TRDMT1: variants seen among roughly 807,000 people sequenced by gnomAD.
TRDMT1 encodes the protein tRNA aspartic acid methyltransferase 1, also known as tRNA (cytosine(38)-C(5))-methyltransferase.
Under a neutral mutation model 51.2 loss-of-function variants are expected in TRDMT1, and 49 were observed. The observed-to-expected ratio is 0.96, with a 90% confidence interval of 0.76 to 1.21. The LOEUF is 1.21. Ranked by LOEUF, TRDMT1 falls within the 50% of genes most tolerant of loss-of-function variation. The probability of loss-of-function intolerance (pLI) is 0.00; values close to 1 mark genes in which losing one functional copy is unlikely to be tolerated. For missense variants in TRDMT1, 534 were observed against 462.3 expected (o/e 1.16, Z -1.42); for synonymous variants, 187 against 164.6 (o/e 1.14, Z -1.04).
intron 1 of TRDMT1, among the ~76,000 whole-genome samples, chr10:17,185,946 C>T (rs367815588): frequency 2.0e-5 from 3 of 151,842 alleles, no homozygotes; most frequent in Admixed American, 6.6e-5. Context: ...AGGAGATATA[C>T]CTAATGTAAA....
chr10:17,153,606 A>G lies in TRDMT1; in HGVS notation c.976T>C (p.Leu326=). The G allele has an allele frequency of 6.2e-7, 1 of 1,602,812 alleles. No individual in the cohort carries two copies. Among genetic ancestry groups the G allele is most frequent in the Non-Finnish European group, 8.5e-7 (1 of 1,175,574 alleles). ...TTTGTTATCTGTTCTTCTTGTGACA[A>G]ATTGGTAAGGGATTTGTAGATATTC... ...VENIYKSLTN[L]SQEEQITKLL... Residue 326 remains leucine (L), a synonymous_variant, in exon 10 of 11, where the codon TTG becomes CTG. Coordinates refer to ENST00000377799, the MANE Select transcript of TRDMT1 (RefSeq NM_004412.7).
intron 10 of TRDMT1, chr10:17,151,107 T>A: frequency 1.3e-6 from 1 of 774,770 alleles, no homozygotes; most frequent in Non-Finnish European, 1.6e-6. Flanking sequence ...GTAAAGCATC[T>A]GTGCATATTT....
At position 17,182,818 on chromosome 10, in the gene TRDMT1, A is replaced by G. The variant is rs12241366; in HGVS notation, c.65-8158T>C. On this transcript the variant is annotated intron_variant, in intron 1 of 10. Transcript: ENST00000377799. ...GTCCTGAAAGTAAAACAGTTAAAAT[A>G]GAAATTTCATTACAAGCAATTCAAA... Among the ~76,000 whole-genome samples, 1,219 of 152,320 alleles carry G rather than the reference A, an allele frequency of 8.0e-3. 21 individuals are homozygous for G. The highest frequency in any genetic ancestry group is 0.027 in the African/African-American group (1,138 of 41,576).
rs189435647 is a variant in TRDMT1, at chr10:17,140,663, G to C, written c.*8377C>G. ...GACTCTACAGTAAAGACTTGAAACT[G>C]AGTGTTTTGAAAGAAAGAACATTTT... is the stretch of plus-strand genomic sequence containing the variant. On this transcript the variant is annotated 3_prime_UTR_variant, in exon 11 of 11. Coordinates refer to ENST00000377799, the MANE Select transcript of TRDMT1 (RefSeq NM_004412.7). 9.1e-4 allele frequency among the ~76,000 whole-genome samples: 138 copies of C among 152,224 alleles called. No individual in the cohort carries two copies. The highest frequency in any genetic ancestry group is 3.2e-3 in the African/African-American group (134 of 41,518).
At position 17,180,553 on chromosome 10, in the gene TRDMT1, A is replaced by AC. The variant is rs1284422511; in HGVS notation, c.65-5894_65-5893insG. ...GAACTCTGTCTCAAAAAAAAAAAAA[A>AC]AAAACTCTCTTTCCATATTCGGTAC... On this transcript the variant is annotated intron_variant, in intron 1 of 10. Coordinates refer to ENST00000377799, the MANE Select transcript of TRDMT1 (RefSeq NM_004412.7). 1.6e-4 allele frequency among the ~76,000 whole-genome samples: 22 copies of AC among 137,756 alleles called. No homozygotes were observed. In the East Asian group the frequency reaches 4.4e-3, roughly 27 times the overall value. The allele number at this position is 137,756 out of a possible 152,430, so 90.4% of individuals were successfully genotyped here. A position where few individuals can be genotyped will look rare whatever the true frequency, so the allele number is the denominator to read the frequency against.
rs376236795 is a variant in TRDMT1, at chr10:17,141,990, C to T, written c.*7050G>A. 6.6e-6 allele frequency among the ~76,000 whole-genome samples: 1 copy of T among 152,192 alleles called. No individual in the cohort carries two copies. The highest frequency in any genetic ancestry group is 2.4e-5 in the African/African-American group (1 of 41,446). On this transcript the variant is annotated 3_prime_UTR_variant, in exon 11 of 11. Transcript: ENST00000377799. Reference sequence around the variant, plus strand: ...ATTTATTTCTATTCTTAAAAATTGGCATATAGTGCACCTACCATAATGGTT... The same window carrying T: ...ATTTATTTCTATTCTTAAAAATTGGTATATAGTGCACCTACCATAATGGTT...
rs1837493904 is a variant in TRDMT1, at chr10:17,138,650, G to GA, written c.*10389dup. Among the ~76,000 whole-genome samples, 1 of 151,796 alleles carries GA rather than the reference G, an allele frequency of 6.6e-6. No homozygotes were observed. Among genetic ancestry groups the GA allele is most frequent in the Admixed American group, 6.6e-5 (1 of 15,254 alleles). On this transcript the variant is annotated 3_prime_UTR_variant, in exon 11 of 11. Coordinates refer to ENST00000377799, the MANE Select transcript of TRDMT1 (RefSeq NM_004412.7). ...GACTACAATTATCTTTGAGTAGAATGAAAAAGAATTATGAGTTAATCATTA... is the reference window on the plus strand; with the variant it reads ...GACTACAATTATCTTTGAGTAGAATGAAAAAAGAATTATGAGTTAATCATTA...
At position 17,174,594 on chromosome 10, in the gene TRDMT1, T is replaced by C; in HGVS notation, c.131A>G (p.Lys44Arg). 6.2e-7 allele frequency: 1 copy of C among 1,614,074 alleles called. No homozygotes were observed. Among genetic ancestry groups the C allele is most frequent in the Non-Finnish European group, 8.5e-7 (1 of 1,179,950 alleles). The change falls in exon 2 of 11, where the codon AAG becomes AGG. Residue 44 changes from lysine (K) to arginine (R), a missense_variant. Coordinates refer to ENST00000377799, the MANE Select transcript of TRDMT1 (RefSeq NM_004412.7). The stretch of plus-strand genomic sequence containing the variant: ...TAACTGTGTGTGAGGAAAATTATAC[T>C]TGTATACTTCATTAGCGACAGTGTT... ...DVNTVANEVY[K>R]YNFPHTQLLA... is the part of the protein sequence containing the mutation.
At position 17,143,441 on chromosome 10, in the gene TRDMT1, C is replaced by T. The variant is rs776309967; in HGVS notation, c.*5599G>A. 1.0e-6 allele frequency: 1 copy of T among 985,318 alleles called. No individual in the cohort carries two copies. 61.0% of individuals were successfully genotyped at this position (985,318 alleles called of 1,614,324 possible). ...CAGCTCTTAAATATGAAAGTCAACTCATTTCTACTACACAAGGAGTATCAC... is the reference window on the plus strand; with the variant it reads ...CAGCTCTTAAATATGAAAGTCAACTTATTTCTACTACACAAGGAGTATCAC... On this transcript the variant is annotated 3_prime_UTR_variant, in exon 11 of 11. Transcript: ENST00000377799.
chr10:17,171,111 ATGTG>A (rs66891484), intron 2 of TRDMT1, among the ~76,000 whole-genome samples: 197 of 142,932 alleles, frequency 1.4e-3, no homozygotes, highest in Middle Eastern at 0.011. Flanking sequence ...CTGGATTTAG[ATGTG>A]TGTGTGTGTG....
chr10:17,194,999 C>A (rs949469684), intron 1 of TRDMT1, among the ~76,000 whole-genome samples: 12 of 145,746 alleles, frequency 8.2e-5, no homozygotes, highest in African/African-American at 2.8e-4. Context: ...GAAAAGGGAA[C>A]CCTTATGCAC....
At chr10:17,162,769 G>A (rs923331039) in intron 3 of TRDMT1, among the ~76,000 whole-genome samples, 1 of 152,178 alleles carries the variant, frequency 6.6e-6, no homozygotes. Flanking sequence ...CTTGAACCTG[G>A]AAGGCAGAGG....
At position 17,174,544 on chromosome 10, in the gene TRDMT1, T is replaced by G. The variant is rs780213462; in HGVS notation, c.174+7A>C. ...ACATACTTATTAAAACAATGACAAT[T>G]ACTCACTTCAATCGTCTTGGCAAGT... On this transcript the variant is annotated splice_region_variant and intron_variant, in intron 2 of 10. Transcript: ENST00000377799. 16 of 1,570,722 alleles carry G rather than the reference T, an allele frequency of 1.0e-5. No homozygotes were observed. The highest frequency in any genetic ancestry group is 1.4e-5 in the Non-Finnish European group (16 of 1,140,606).
rs1040936946 is a variant in TRDMT1, at chr10:17,140,731, A to T, written c.*8309T>A. Among the ~76,000 whole-genome samples the T allele has an allele frequency of 5.2e-4, 8 of 15,310 alleles. No individual in the cohort carries two copies. The Non-Finnish European group carries it at 0.011, about 22-fold the overall frequency. 10.0% of individuals were successfully genotyped at this position (15,310 alleles called of 152,430 possible). On this transcript the variant is annotated 3_prime_UTR_variant, in exon 11 of 11. Transcript: ENST00000377799. ...TTATGCCACATTGATGAAAACAAAA[A>T]CAACAAAAAAGATCACATTCAATTG...
rs1425577120 is a variant in TRDMT1 at position 17,143,484 on chromosome 10, C to T, written c.*5556G>A. The T allele has an allele frequency of 3.0e-6, 3 of 985,294 alleles. No individual in the cohort carries two copies. In the African/African-American group the frequency reaches 5.2e-5, roughly 17 times the overall value. 61.0% of individuals were successfully genotyped at this position (985,294 alleles called of 1,614,324 possible). On this transcript the variant is annotated 3_prime_UTR_variant, in exon 11 of 11. Coordinates refer to ENST00000377799, the MANE Select transcript of TRDMT1 (RefSeq NM_004412.7). ...AGTATCACATTCCATTCAGTGTTTTCAGTCATTTTTTTCACATGTGAAATT... is the reference window on the plus strand; with the variant it reads ...AGTATCACATTCCATTCAGTGTTTTTAGTCATTTTTTTCACATGTGAAATT...
At position 17,148,802 on chromosome 10, in the gene TRDMT1, A is replaced by G. The variant is rs1838333449; in HGVS notation, c.*238T>C. On this transcript the variant is annotated 3_prime_UTR_variant, in exon 11 of 11. Transcript: ENST00000377799. ...AGAATATTCCACATATATATTTATC[A>G]GTTTCATATGAAAATATACTCTCCA... is the stretch of plus-strand genomic sequence containing the variant. 1 of 1,077,382 alleles carries G rather than the reference A, an allele frequency of 9.3e-7. No individual in the cohort carries two copies. Among genetic ancestry groups the G allele is most frequent in the South Asian group, 3.4e-5 (1 of 29,624 alleles). 66.7% of individuals were successfully genotyped at this position (1,077,382 alleles called of 1,614,324 possible).
chr10:17,162,257 AAAAAAC>A lies in TRDMT1; in HGVS notation c.252-26_252-21del, dbSNP rs781435899. On this transcript the variant is annotated intron_variant, in intron 3 of 10. Coordinates refer to ENST00000377799, the MANE Select transcript of TRDMT1 (RefSeq NM_004412.7). Reference sequence around the variant, plus strand: ...CCAATCCTAAAGGGGTAAAAAAAAAAAAAAACAAAAAAAAACACAGAAAGTTTATTA... The same window carrying A: ...CCAATCCTAAAGGGGTAAAAAAAAAAAAAAAAAAACACAGAAAGTTTATTA... The A allele has an allele frequency of 1.9e-6, 3 of 1,543,086 alleles. No homozygotes were observed. Among genetic ancestry groups the A allele is most frequent in the African/African-American group, 2.8e-5 (2 of 70,502 alleles).
At chr10:17,164,199 C>T (rs1840838847) in intron 3 of TRDMT1, among the ~76,000 whole-genome samples, 1 of 152,132 alleles carries the variant, frequency 6.6e-6, no homozygotes, top group African/African-American at 2.4e-5. Context: ...CCCTGGGATG[C>T]AAGGCTGGTT....
chr10:17,146,760 G>C lies in TRDMT1; in HGVS notation c.*2280C>G. 17 of 985,356 alleles carry C rather than the reference G, an allele frequency of 1.7e-5. No individual in the cohort carries two copies. Among genetic ancestry groups the C allele is most frequent in the Non-Finnish European group, 2.0e-5 (17 of 829,918 alleles). 61.0% of individuals were successfully genotyped at this position (985,356 alleles called of 1,614,324 possible). A position where few individuals can be genotyped will look rare whatever the true frequency, so the allele number is the denominator to read the frequency against. ...AATATCAGGAAACAGAATTTCCAGT[G>C]CAAATTTTATATACAGCATTATTAC... is the stretch of plus-strand genomic sequence containing the variant. On this transcript the variant is annotated 3_prime_UTR_variant, in exon 11 of 11. Transcript: ENST00000377799.
Sources: gnomAD v4.1 joint callset for allele counts (sites outside exome capture counted in the v4.1 genomes callset) on GRCh38, gnomAD v4.1.1 for gene constraint, MANE v1.5 for transcripts, NCBI Gene and HGNC (gene_info 2026-07-23, HGNC 2026-07-21) for gene names.